CSMD1: variants seen among roughly 807,000 people sequenced by gnomAD.
CSMD1 encodes the protein CUB and sushi domain-containing protein 1.
In CSMD1, 213 loss-of-function variants were observed where a neutral mutation model predicts 417.5. That is an observed-to-expected ratio of 0.51 (90% CI 0.46 to 0.57). CSMD1 has a LOEUF of 0.57. Among genes scored for constraint, CSMD1 ranks in the 20% least tolerant of loss-of-function variants. The pLI is 0.00. For missense variants in CSMD1, 6,923 were observed against 4,529.7 expected (o/e 1.53, Z -15.17); for synonymous variants, 2,862 against 1,736.8 (o/e 1.65, Z -16.11).
chr8:3,325,552 G>A (rs1585002804), intron 23 of CSMD1, among the ~76,000 whole-genome samples: 1 of 152,202 alleles, frequency 6.6e-6, no homozygotes, highest in African/African-American at 2.4e-5. Context: ...GCCTGGGCAT[G>A]CTGGCTCACG....
At chr8:3,758,342 A>T (rs1427207297) in intron 5 of CSMD1, among the ~76,000 whole-genome samples, 2 of 152,230 alleles carry the variant, frequency 1.3e-5, no homozygotes, top group Non-Finnish European at 2.9e-5. Context: ...TGAAGAAGCC[A>T]TTCAAATGAA....
chr8:2,951,214 T>C lies in CSMD1; in HGVS notation c.10101A>G (p.Lys3367=). The change falls in exon 66 of 70, where the codon AAA becomes AAG. Residue 3367 remains lysine, a synonymous_variant. Coordinates refer to ENST00000635120, the MANE Select transcript of CSMD1 (RefSeq NM_033225.6). ...LWKGYYEYLG[K]RQPATLTVDW... ...CAACAGTTAGAGTGGCGGGTTGTCT[T>C]TTCCCTAAATATTCATAATACCCCT... 1 of 1,610,834 alleles carries C rather than the reference T, an allele frequency of 6.2e-7. No individual in the cohort carries two copies. The highest frequency in any genetic ancestry group is 2.2e-5 in the East Asian group (1 of 44,754).
chr8:4,640,610 A>T (rs922722456), intron 1 of CSMD1, among the ~76,000 whole-genome samples: 1 of 152,206 alleles, frequency 6.6e-6, no homozygotes, highest in Non-Finnish European at 1.5e-5. Context: ...ATCTAAGCTT[A>T]ATGTAAATGA....
intron 6 of CSMD1, among the ~76,000 whole-genome samples, chr8:3,745,216 A>G (rs1193306339): frequency 6.6e-6 from 1 of 152,212 alleles, no homozygotes; most frequent in Non-Finnish European, 1.5e-5. Flanking sequence ...GGGGTAGTAA[A>G]TTGTAGACTA....
intron 5 of CSMD1, among the ~76,000 whole-genome samples, chr8:3,910,781 T>C (rs1418206315): frequency 6.6e-6 from 1 of 152,128 alleles, no homozygotes; most frequent in Non-Finnish European, 1.5e-5. Context: ...CTCTCCAGAG[T>C]ACATTATTAC....
Position 2,957,789 on chromosome 8 carries a change from A to G in CSMD1, c.9721T>C (p.Phe3241Leu), listed in dbSNP as rs1444999666. 1.9e-6 allele frequency: 3 copies of G among 1,586,530 alleles called. No homozygotes were observed. The highest frequency in any genetic ancestry group is 2.6e-6 in the Non-Finnish European group (3 of 1,164,782). ...RGYEVGSTVF[F>L]RCRKGYHIQG... ...ATATGGTAGCCTTTTCTGCACCTGA[A>G]AAAAACCGTGCTTCCAACCTAGAGA... Residue 3241 changes from phenylalanine (F) to leucine (L), a missense_variant, in exon 63 of 70, where the codon TTC (phenylalanine) becomes CTC (leucine). Coordinates refer to ENST00000635120, the MANE Select transcript of CSMD1 (RefSeq NM_033225.6).
intron 3 of CSMD1, among the ~76,000 whole-genome samples, chr8:4,152,553 G>C (rs952813492): frequency 2.0e-5 from 3 of 151,352 alleles, no homozygotes; most frequent in Non-Finnish European, 4.4e-5. Context: ...AGCTAGTCAT[G>C]GTGGTGCACA....
At chr8:3,676,256 A>T (rs1799369624) in intron 7 of CSMD1, among the ~76,000 whole-genome samples, 1 of 152,130 alleles carries the variant, frequency 6.6e-6, no homozygotes, top group Non-Finnish European at 1.5e-5. Context: ...TACAGTTTTG[A>T]TCCCTGGCCC....
At chr8:3,876,431 C>A (rs571842110) in intron 5 of CSMD1, among the ~76,000 whole-genome samples, 1 of 152,276 alleles carries the variant, frequency 6.6e-6, no homozygotes, top group East Asian at 1.9e-4. Context: ...AGCCTGGAGA[C>A]ACCATTCTCC....
intron 1 of CSMD1, among the ~76,000 whole-genome samples, chr8:4,743,444 A>C (rs1810750568): frequency 6.6e-6 from 1 of 152,152 alleles, no homozygotes; most frequent in Admixed American, 6.5e-5. Context: ...GTCAAGAATG[A>C]GCAGAGTAGA....
chr8:4,506,734 C>G (rs914989145), intron 2 of CSMD1, among the ~76,000 whole-genome samples: 3 of 152,170 alleles, frequency 2.0e-5, no homozygotes, highest in African/African-American at 7.2e-5. Flanking sequence ...TGTATTGTTT[C>G]ATCAGCTTAT....
chr8:3,764,459 G>T (rs775778836), intron 5 of CSMD1, among the ~76,000 whole-genome samples: 4 of 152,204 alleles, frequency 2.6e-5, no homozygotes, highest in Non-Finnish European at 5.9e-5. Flanking sequence ...AGACATGCGT[G>T]TGAGTGAGTA....
chr8:4,867,101 A>G (rs1209704113), intron 1 of CSMD1, among the ~76,000 whole-genome samples: 1 of 152,036 alleles, frequency 6.6e-6, no homozygotes, highest in South Asian at 2.1e-4. Context: ...AAATAAAGTG[A>G]CCCTTGTGAT....
At chr8:3,198,679 G>C (rs1002916341) in intron 33 of CSMD1, among the ~76,000 whole-genome samples, 1 of 152,074 alleles carries the variant, frequency 6.6e-6, no homozygotes, top group Non-Finnish European at 1.5e-5. Context: ...ACACTGAACT[G>C]TTTTGAAGTC....
chr8:3,808,576 A>C (rs4477054), intron 5 of CSMD1, among the ~76,000 whole-genome samples: 5 of 152,040 alleles, frequency 3.3e-5, no homozygotes, highest in Admixed American at 1.3e-4. Flanking sequence ...GAGAATCCTC[A>C]TGTTTGAAAA....
intron 12 of CSMD1, among the ~76,000 whole-genome samples, chr8:3,447,140 G>C (rs1348704776): frequency 3.3e-5 from 5 of 152,142 alleles, no homozygotes; most frequent in Admixed American, 2.0e-4. Flanking sequence ...CAACAGACAT[G>C]ATCAAAGAGC....
chr8:3,534,267 A>T (rs192654002), intron 10 of CSMD1, among the ~76,000 whole-genome samples: 71 of 152,212 alleles, frequency 4.7e-4, no homozygotes, highest in African/African-American at 1.7e-3. Context: ...TCACTTATTA[A>T]TCTTTCTTTT....
chr8:3,281,288 C>T (rs1319321755), intron 26 of CSMD1, among the ~76,000 whole-genome samples: 5 of 151,786 alleles, frequency 3.3e-5, no homozygotes, highest in African/African-American at 1.2e-4. Context: ...GCTAAAAATA[C>T]AAAAAAATAG....
At chr8:4,597,885 G>C (rs1395458876) in intron 2 of CSMD1, among the ~76,000 whole-genome samples, 1 of 151,976 alleles carries the variant, frequency 6.6e-6, no homozygotes, top group East Asian at 1.9e-4. Flanking sequence ...AGATTAATTA[G>C]GTAAGATTTG....
Sources: gnomAD v4.1 joint callset for allele counts (sites outside exome capture counted in the v4.1 genomes callset) on GRCh38, gnomAD v4.1.1 for gene constraint, MANE v1.5 for transcripts, NCBI Gene and HGNC (gene_info 2026-07-23, HGNC 2026-07-21) for gene names.